The following ABL2 variants were observed in gnomAD, a reference collection of about 807,000 sequenced individuals.
ABL2 encodes the protein ABL proto-oncogene 2, non-receptor tyrosine kinase.
A neutral mutation model predicts 107.7 loss-of-function variants in ABL2; 49 were observed. The ratio of observed to expected loss-of-function variants is 0.45; its 90% CI spans 0.36 to 0.58. The LOEUF (loss-of-function observed/expected upper bound fraction) is 0.58. Among genes scored for constraint, ABL2 ranks in the 20% least tolerant of loss-of-function variants. ABL2 has a pLI of 0.00. For missense variants in ABL2, 1,245 were observed against 1,457.0 expected, an observed-to-expected ratio of 0.85 and a Z score of 2.37; for synonymous variants, 549 against 548.6, an observed-to-expected ratio of 1.00 and a Z score of -0.01.
intron 1 of ABL2, among the ~76,000 whole-genome samples, chr1:179,193,768 G>A (rs1023013913): frequency 1.3e-5 from 2 of 151,998 alleles, no homozygotes; most frequent in Admixed American, 6.6e-5. Context: ...GTCTCGCTCT[G>A]TCGCCCAGGC....
chr1:179,171,439 T>C (rs191757303), intron 1 of ABL2, among the ~76,000 whole-genome samples: 5 of 152,338 alleles, frequency 3.3e-5, no homozygotes, highest in Admixed American at 2.6e-4. Flanking sequence ...TTAATTATGC[T>C]ACATGTAGGT....
At position 179,178,641 on chromosome 1, in the gene ABL2, G is replaced by T. The variant is rs377282464; in HGVS notation, c.158-45267C>A. Among the ~76,000 whole-genome samples the T allele has an allele frequency of 6.6e-5, 10 of 152,254 alleles. No homozygotes were observed. The East Asian group carries it at 1.9e-3, about 29-fold the overall frequency. On this transcript the variant is annotated intron_variant, in intron 1 of 11. Transcript: ENST00000502732. The stretch of plus-strand genomic sequence containing the variant: ...ATGGTGGCTCATGCCTGTAATTCCA[G>T]CACTTTGGGAGGCCAAGGCAGGTGG...
chr1:179,209,130 T>G (rs1429769064), intron 1 of ABL2, among the ~76,000 whole-genome samples: 1 of 152,194 alleles, frequency 6.6e-6, no homozygotes, highest in East Asian at 1.9e-4. Flanking sequence ...TCTCCAGCCC[T>G]TCTCCTCTGA....
chr1:179,129,129 C>A (rs1320507214), intron 3 of ABL2, among the ~76,000 whole-genome samples: 1 of 151,850 alleles, frequency 6.6e-6, no homozygotes, highest in Non-Finnish European at 1.5e-5. Context: ...TTAGTGAGAA[C>A]CTGATATAAA....
chr1:179,189,878 C>A (rs188298691), intron 1 of ABL2, among the ~76,000 whole-genome samples: 1 of 151,668 alleles, frequency 6.6e-6, no homozygotes, highest in Non-Finnish European at 1.5e-5. Context: ...TGGAGTGCAA[C>A]GGCGTGATCT....
chr1:179,226,851 A>T (rs1216287830), intron 1 of ABL2, among the ~76,000 whole-genome samples: 1 of 152,130 alleles, frequency 6.6e-6, no homozygotes, highest in Non-Finnish European at 1.5e-5. Context: ...GCCCTTAACA[A>T]ATACTCCAAA....
chr1:179,119,441 G>A (rs939486430), intron 6 of ABL2, among the ~76,000 whole-genome samples: 1 of 151,834 alleles, frequency 6.6e-6, no homozygotes, highest in Non-Finnish European at 1.5e-5. Flanking sequence ...AACCTGGGAG[G>A]TGGAGGTTGC....
Position 179,102,992 on chromosome 1 carries a change from T to C in ABL2, c.*4726A>G, listed in dbSNP as rs1319334793. 8.9e-6 allele frequency: 2 copies of C among 225,224 alleles called. No homozygotes were observed. Among genetic ancestry groups the C allele is most frequent in the Admixed American group, 1.1e-4 (2 of 17,518 alleles). The allele number at this position is 225,224 out of a possible 1,614,324, so 14.0% of individuals were successfully genotyped here. Reference sequence around the variant, plus strand: ...GCAGGACATAGGTTAAAAAAGACACTGTCAACATCAACAGATAACAAGTCT... The same window carrying C: ...GCAGGACATAGGTTAAAAAAGACACCGTCAACATCAACAGATAACAAGTCT... On this transcript the variant is annotated 3_prime_UTR_variant, in exon 12 of 12. Coordinates refer to ENST00000502732, the MANE Select transcript of ABL2 (RefSeq NM_007314.4).
intron 1 of ABL2, among the ~76,000 whole-genome samples, chr1:179,134,572 C>G (rs1292288730): frequency 6.6e-6 from 1 of 152,158 alleles, no homozygotes; most frequent in Non-Finnish European, 1.5e-5. Flanking sequence ...CTTTCCTATA[C>G]TTACAGTAGG....
intron 1 of ABL2, among the ~76,000 whole-genome samples, chr1:179,199,731 C>CTTTTTTTT (rs55794608): frequency 7.3e-6 from 1 of 136,184 alleles, no homozygotes; most frequent in Non-Finnish European, 1.6e-5. Context: ...ACACTTTTTC[C>CTTTTTTTT]TTTTTTTTTT....
rs1553221892 is a variant in ABL2, at chr1:179,135,956, T to TTG, written c.158-2583_158-2582insCA. Among the ~76,000 whole-genome samples, 8 of 53,330 alleles carry TTG rather than the reference T, an allele frequency of 1.5e-4. 1 individual carries two copies. The highest frequency in any genetic ancestry group is 3.0e-4 in the Non-Finnish European group (7 of 23,052). 35.0% of individuals were successfully genotyped at this position (53,330 alleles called of 152,430 possible). A position where few individuals can be genotyped will look rare whatever the true frequency, so the allele number is the denominator to read the frequency against. ...CCAGCCGCCCCGTCCAGGAGGGAGG[T>TTG]GGGGGGGGTCAGCCCCCCATCCGGC... On this transcript the variant is annotated intron_variant, in intron 1 of 11. Coordinates refer to ENST00000502732, the MANE Select transcript of ABL2 (RefSeq NM_007314.4).
chr1:179,108,505 G>T lies in ABL2; in HGVS notation c.2762C>A (p.Pro921His), dbSNP rs780201509. Residue 921 changes from proline to histidine, a missense_variant, in exon 12 of 12, where the codon CCC (proline) becomes CAC (histidine). Around this residue, in one of 3 missense-constraint regions of ABL2, gnomAD observed 761 missense variants for 766.4 expected, o/e 0.99. Transcript: ENST00000502732. ...PGWPSPAKAA[P>H]VLPTTHNHKV... ...GTGGTTGTGAGTGGTTGGGAGGACG[G>T]GGGCAGCCTTGGCTGGAGAAGGCCA... 1 of 1,614,172 alleles carries T rather than the reference G, an allele frequency of 6.2e-7. No individual in the cohort carries two copies. The highest frequency in any genetic ancestry group is 8.5e-7 in the Non-Finnish European group (1 of 1,180,026).
intron 1 of ABL2, among the ~76,000 whole-genome samples, chr1:179,164,046 G>C (rs1022222963): frequency 6.6e-6 from 1 of 152,178 alleles, no homozygotes; most frequent in Non-Finnish European, 1.5e-5. Context: ...GGATTAAAGG[G>C]GGGGAATATG....
intron 1 of ABL2, among the ~76,000 whole-genome samples, chr1:179,204,257 C>A (rs1007065055): frequency 1.3e-5 from 2 of 151,702 alleles, no homozygotes; most frequent in African/African-American, 4.8e-5. Context: ...GAACTCCTGA[C>A]CTCAGGTGAT....
intron 1 of ABL2, among the ~76,000 whole-genome samples, chr1:179,165,420 G>A (rs561181057): frequency 1.9e-4 from 29 of 151,702 alleles, no homozygotes; most frequent in African/African-American, 6.5e-4. Context: ...TCCATAATAC[G>A]TTTTGGAAAT....
chr1:179,107,899 T>C lies in ABL2; in HGVS notation c.3368A>G (p.Tyr1123Cys). 6.2e-7 allele frequency: 1 copy of C among 1,614,188 alleles called. No individual in the cohort carries two copies. The change falls in exon 12 of 12, where the codon TAT becomes TGT. Residue 1123 changes from tyrosine to cysteine, a missense_variant. By Grantham distance (194) the Tyr-to-Cys change is radical (BLOSUM62 -2). Transcript: ENST00000502732. ...GCGAGTTTGAGGGATGCAGTCCACA[T>C]AGCCTGAGCAGTAGTCAAGCAGCTG... ...GHQLLDYCSG[Y>C]VDCIPQTRNK...
At chr1:179,167,088 G>C (rs958095042) in intron 1 of ABL2, among the ~76,000 whole-genome samples, 2 of 152,146 alleles carry the variant, frequency 1.3e-5, no homozygotes, top group Admixed American at 1.3e-4. Flanking sequence ...TATATCAAAA[G>C]ACTACCTGCA....
intron 1 of ABL2, among the ~76,000 whole-genome samples, chr1:179,145,224 T>A (rs1657901337): frequency 1.3e-5 from 2 of 152,216 alleles, no homozygotes; most frequent in Admixed American, 1.3e-4. Context: ...AGTCTAGTTC[T>A]GCAAATGGAT....
intron 1 of ABL2, among the ~76,000 whole-genome samples, chr1:179,150,330 C>A (rs762151022): frequency 2.0e-5 from 3 of 152,180 alleles, no homozygotes; most frequent in Non-Finnish European, 4.4e-5. Flanking sequence ...AAGGATCTAC[C>A]ATTCTAGATG....
Sources: allele counts gnomAD v4.1 joint callset (sites outside exome capture counted in the v4.1 genomes callset), GRCh38; gene constraint gnomAD v4.1.1; regional missense constraint gnomAD v4.1.1; transcripts MANE v1.5; gene names NCBI Gene and HGNC (gene_info 2026-07-23, HGNC 2026-07-21).